Variants in GPC6 observed in about 807,000 individuals in gnomAD.
GPC6 encodes the protein glypican-6.
GPC6 carries 14 observed loss-of-function variants against 55.2 expected under a neutral mutation model. The ratio of observed to expected loss-of-function variants is 0.25; its 90% CI spans 0.17 to 0.40. GPC6 has a LOEUF of 0.40. GPC6 is among the 10% of genes least tolerant of loss of function. The probability of loss-of-function intolerance (pLI) is 1.00; values close to 1 mark genes in which losing one functional copy is unlikely to be tolerated. For synonymous variants in GPC6, 278 were observed against 259.6 expected (o/e 1.07, Z -0.68); for missense variants, 641 against 708.5 (o/e 0.90, Z 1.08).
chr13:93,836,945 C>T (rs1306170702), intron 3 of GPC6, among the ~76,000 whole-genome samples: 1 of 152,144 alleles, frequency 6.6e-6, no homozygotes, highest in South Asian at 2.1e-4. Flanking sequence ...GAATGTATCA[C>T]AGTTGAGTCT....
At chr13:94,129,830 G>A (rs190108533) in intron 4 of GPC6, among the ~76,000 whole-genome samples, 1 of 152,096 alleles carries the variant, frequency 6.6e-6, no homozygotes, top group Admixed American at 6.6e-5. Context: ...GAAAGGTTAT[G>A]TTGACTCAAA....
chr13:93,845,889 C>T (rs1402467533), intron 3 of GPC6, among the ~76,000 whole-genome samples: 7 of 149,022 alleles, frequency 4.7e-5, no homozygotes, highest in Admixed American at 1.3e-4. Flanking sequence ...TGCTAGATGA[C>T]GAGTTAGTGG....
At chr13:93,682,928 G>T (rs1881906013) in intron 2 of GPC6, among the ~76,000 whole-genome samples, 1 of 151,912 alleles carries the variant, frequency 6.6e-6, no homozygotes, top group African/African-American at 2.4e-5. Context: ...TGAGCTGGGA[G>T]AATTGCTTGG....
rs1038762169 is a variant in GPC6 at position 93,612,369 on chromosome 13, C to T, written c.319+66948C>T. On this transcript the variant is annotated intron_variant, in intron 2 of 8. Transcript: ENST00000377047. ...AAAAAATTAGCCGAGCATGGTGGCACGTACCTGTTGTCCCAGCTACTAGGG... is the reference window on the plus strand; with the variant it reads ...AAAAAATTAGCCGAGCATGGTGGCATGTACCTGTTGTCCCAGCTACTAGGG... 5.3e-5 allele frequency among the ~76,000 whole-genome samples: 8 copies of T among 151,952 alleles called. No homozygotes were observed. The South Asian group carries it at 1.7e-3, about 31-fold the overall frequency.
intron 1 of GPC6, among the ~76,000 whole-genome samples, chr13:93,276,856 T>A (rs897523755): frequency 1.3e-5 from 2 of 152,202 alleles, no homozygotes; most frequent in African/African-American, 4.8e-5. Flanking sequence ...CTTGTTTCTT[T>A]CCAGCTTACT....
intron 3 of GPC6, among the ~76,000 whole-genome samples, chr13:93,852,780 C>T (rs1157302400): frequency 4.0e-5 from 6 of 151,598 alleles, no homozygotes; most frequent in Admixed American, 4.0e-4. Flanking sequence ...CATCTCTTCT[C>T]TGTTGGATCT....
intron 5 of GPC6, among the ~76,000 whole-genome samples, 173 bp downstream of exon 5, chr13:94,286,652 G>A (rs143063071): frequency 1.8e-4 from 28 of 152,224 alleles, no homozygotes; most frequent in Middle Eastern, 3.4e-3. Flanking sequence ...TAACAAAATG[G>A]CATTGAGAAG....
intron 4 of GPC6, among the ~76,000 whole-genome samples, chr13:94,280,351 C>T (rs912154187): frequency 1.3e-5 from 2 of 152,078 alleles, no homozygotes; most frequent in African/African-American, 4.8e-5. Flanking sequence ...CTAAATTGGC[C>T]CTCTTTCCGG....
intron 4 of GPC6, among the ~76,000 whole-genome samples, chr13:94,265,946 C>G (rs1455402791): frequency 2.0e-5 from 3 of 152,090 alleles, no homozygotes; most frequent in Non-Finnish European, 4.4e-5. Flanking sequence ...AGGCAATAGT[C>G]ACTCCTTTTC....
At chr13:93,712,574 G>C (rs1356354234) in intron 2 of GPC6, among the ~76,000 whole-genome samples, 1 of 151,622 alleles carries the variant, frequency 6.6e-6, no homozygotes, top group East Asian at 2.0e-4. Flanking sequence ...TAAAATAGAA[G>C]ACTGTGCCCC....
intron 6 of GPC6, among the ~76,000 whole-genome samples, chr13:94,363,691 C>A (rs1246428642): frequency 1.3e-5 from 2 of 152,254 alleles, no homozygotes; most frequent in Non-Finnish European, 1.5e-5. Flanking sequence ...AATATGGTAG[C>A]CACCAGCCAT....
At chr13:93,275,406 ATGTT>A (rs949705668) in intron 1 of GPC6, among the ~76,000 whole-genome samples, 100 of 152,314 alleles carry the variant, frequency 6.6e-4, no homozygotes, top group African/African-American at 2.3e-3. Flanking sequence ...TCAGAATACT[ATGTT>A]TGACTAGATA....
At chr13:94,044,387 A>G (rs1301668428) in intron 4 of GPC6, among the ~76,000 whole-genome samples, 2 of 151,850 alleles carry the variant, frequency 1.3e-5, no homozygotes, top group Non-Finnish European at 2.9e-5. Flanking sequence ...GCTCAAGGTC[A>G]TCGCCAAGGT....
At chr13:93,691,682 G>A (rs1882261941) in intron 2 of GPC6, among the ~76,000 whole-genome samples, 2 of 151,912 alleles carry the variant, frequency 1.3e-5, no homozygotes, top group South Asian at 4.2e-4. Flanking sequence ...ACAACTCTTG[G>A]TTTTATTTAT....
chr13:93,864,692 A>G (rs1282700058), intron 3 of GPC6, among the ~76,000 whole-genome samples: 5 of 151,758 alleles, frequency 3.3e-5, no homozygotes, highest in Non-Finnish European at 7.4e-5. Flanking sequence ...TCTTTATAGT[A>G]TCATTCTAGT....
chr13:93,885,362 G>C lies in GPC6; in HGVS notation c.711+54817G>C, dbSNP rs571052898. ...TACCAGACAAAAAGTTGTCAGGTCT[G>C]GAAACTGAGCAGTGCATATTGAACA... On this transcript the variant is annotated intron_variant, in intron 3 of 8. Transcript: ENST00000377047. 2.0e-5 allele frequency among the ~76,000 whole-genome samples: 3 copies of C among 149,740 alleles called. No individual in the cohort carries two copies. In the South Asian group the frequency reaches 6.4e-4, roughly 32 times the overall value.
chr13:93,725,453 A>G (rs1017249013), intron 2 of GPC6, among the ~76,000 whole-genome samples: 1 of 152,068 alleles, frequency 6.6e-6, no homozygotes, highest in African/African-American at 2.4e-5. Context: ...AAACAAAAGA[A>G]TGCTTCTCAG....
chr13:94,320,093 A>G (rs1230881728), intron 6 of GPC6, among the ~76,000 whole-genome samples: 1 of 152,160 alleles, frequency 6.6e-6, no homozygotes, highest in African/African-American at 2.4e-5. Context: ...TTAGCTGGTA[A>G]TAATGTATTT....
chr13:94,213,649 C>T (rs758900867), intron 4 of GPC6, among the ~76,000 whole-genome samples: 6 of 152,126 alleles, frequency 3.9e-5, no homozygotes, highest in Admixed American at 1.3e-4. Context: ...TGTCACCCTC[C>T]AGCATCCCAG....
Sources: gnomAD v4.1 joint callset for allele counts (sites outside exome capture counted in the v4.1 genomes callset) on GRCh38, gnomAD v4.1.1 for gene constraint, MANE v1.5 for transcripts, NCBI Gene and HGNC (gene_info 2026-07-23, HGNC 2026-07-21) for gene names.